ZNF536: variants seen among roughly 807,000 people sequenced by gnomAD.
ZNF536 encodes the protein zinc finger protein 536.
A neutral mutation model predicts 84.5 loss-of-function variants in ZNF536; 13 were observed. That is an observed-to-expected ratio of 0.15 (90% CI 0.10 to 0.24). The LOEUF (loss-of-function observed/expected upper bound fraction) is 0.24. ZNF536 is among the 10% of genes least tolerant of loss of function. The probability of loss-of-function intolerance (pLI) is 1.00; values close to 1 mark genes in which losing one functional copy is unlikely to be tolerated. For missense variants in ZNF536, 1,536 were observed against 1,747.5 expected, an observed-to-expected ratio of 0.88 and a Z score of 2.16; for synonymous variants, 811 against 742.5, an observed-to-expected ratio of 1.09 and a Z score of -1.50.
At chr19:30,438,001 C>T (rs149476523) in intron 1 of ZNF536, among the ~76,000 whole-genome samples, 1,734 of 152,212 alleles carry the variant, frequency 0.011, 12 homozygotes, top group Non-Finnish European at 0.016. Context: ...TGAGCTGGTT[C>T]GATGAGTTCT....
intron 2 of ZNF536, among the ~76,000 whole-genome samples, chr19:30,498,641 CA>C (rs2054820144): frequency 6.6e-6 from 1 of 152,026 alleles, no homozygotes; most frequent in Non-Finnish European, 1.5e-5. Context: ...ATAGAAACGT[CA>C]AAAAATAGAA....
At chr19:30,600,684 G>A (rs1056951961) in intron 1 of ZNF536, among the ~76,000 whole-genome samples, 3 of 152,220 alleles carry the variant, frequency 2.0e-5, no homozygotes, top group Non-Finnish European at 4.4e-5. Context: ...CCCCTGGTGA[G>A]CTGAGGCAGT....
chr19:30,700,404 CT>C (rs2051890227), intron 1 of ZNF536, among the ~76,000 whole-genome samples: 1 of 142,372 alleles, frequency 7.0e-6, no homozygotes, highest in Non-Finnish European at 1.5e-5. Flanking sequence ...TCTTCCTTCT[CT>C]TTTTCAGAGT....
chr19:30,396,427 T>C (rs1487669901), intron 1 of ZNF536, among the ~76,000 whole-genome samples: 1 of 152,212 alleles, frequency 6.6e-6, no homozygotes, highest in Admixed American at 6.5e-5. Context: ...TGGCAATTTC[T>C]TTAGATTTGT....
chr19:30,369,471 G>A (rs1305529512), upstream of ZNF536, among the ~76,000 whole-genome samples: 31 of 152,220 alleles, frequency 2.0e-4, no homozygotes, highest in Non-Finnish European at 1.5e-5. Flanking sequence ...TCACACTGAA[G>A]CTGTGTCAAT....
intron 1 of ZNF536, among the ~76,000 whole-genome samples, chr19:30,693,939 C>T (rs1323664878): frequency 6.6e-6 from 1 of 152,168 alleles, no homozygotes; most frequent in Non-Finnish European, 1.5e-5. Flanking sequence ...AATGTGACTG[C>T]TCCCGCGACA....
chr19:30,450,302 C>T (rs1250467998), intron 2 of ZNF536, among the ~76,000 whole-genome samples: 1 of 151,950 alleles, frequency 6.6e-6, no homozygotes, highest in East Asian at 1.9e-4. Context: ...CTCGGGGAGG[C>T]TGCAGCAACA....
chr19:30,698,818 T>C (rs917389633), intron 1 of ZNF536, among the ~76,000 whole-genome samples: 2 of 152,218 alleles, frequency 1.3e-5, no homozygotes, highest in Non-Finnish European at 2.9e-5. Flanking sequence ...AGGAAGTCAC[T>C]TGGCACAGTC....
intron 1 of ZNF536, among the ~76,000 whole-genome samples, chr19:30,390,545 A>G (rs1187286427): frequency 6.6e-6 from 1 of 152,220 alleles, no homozygotes; most frequent in East Asian, 1.9e-4. Flanking sequence ...GGCCATGCCA[A>G]TCTTCCTAGC....
intron 1 of ZNF536, among the ~76,000 whole-genome samples, chr19:30,432,011 A>T (rs1440685993): frequency 6.9e-6 from 1 of 145,260 alleles, no homozygotes; most frequent in South Asian, 2.2e-4. Context: ...ATATATACAC[A>T]CACACATACA....
chr19:30,609,557 A>G (rs1318695522), intron 1 of ZNF536, among the ~76,000 whole-genome samples: 1 of 152,234 alleles, frequency 6.6e-6, no homozygotes, highest in Non-Finnish European at 1.5e-5. Flanking sequence ...GATGTGGTAA[A>G]GAAAAGTGTT....
chr19:30,351,908 T>A (rs1600342063), intron 2 of ZNF536, among the ~76,000 whole-genome samples: 1 of 152,142 alleles, frequency 6.6e-6, no homozygotes, highest in South Asian at 2.1e-4. Flanking sequence ...GGGGAAAACA[T>A]GGGGGAGAAG....
downstream of ZNF536, among the ~76,000 whole-genome samples, chr19:30,560,100 G>A (rs573503089): frequency 8.6e-5 from 13 of 152,042 alleles, no homozygotes; most frequent in East Asian, 9.8e-4. Flanking sequence ...CAACAGTTGC[G>A]TGTTCTTGGG....
At chr19:30,330,015 A>G (rs2047158358) in intron 2 of ZNF536, among the ~76,000 whole-genome samples, 1 of 152,204 alleles carries the variant, frequency 6.6e-6, no homozygotes, top group Non-Finnish European at 1.5e-5. Flanking sequence ...GAGATGCTGT[A>G]TTTGAAAGCA....
intron 1 of ZNF536, among the ~76,000 whole-genome samples, chr19:30,595,323 T>C (rs1315747056): frequency 1.3e-5 from 2 of 152,158 alleles, no homozygotes; most frequent in Non-Finnish European, 2.9e-5. Context: ...AGTCTCTCTC[T>C]CTTGCCCAGA....
At chr19:30,254,207 T>G (rs2024783455) in intron 1 of ZNF536, among the ~76,000 whole-genome samples, 1 of 152,190 alleles carries the variant, frequency 6.6e-6, no homozygotes, top group South Asian at 2.1e-4. Context: ...TGCCATTGTC[T>G]CCTGGGTAAA....
intron 2 of ZNF536, among the ~76,000 whole-genome samples, chr19:30,328,954 C>T (rs995140785): frequency 1.3e-5 from 2 of 152,178 alleles, no homozygotes; most frequent in African/African-American, 4.8e-5. Context: ...TAGAATTTTG[C>T]GGCATCATCA....
chr19:30,436,289 C>A (rs920051185), intron 1 of ZNF536, among the ~76,000 whole-genome samples: 3 of 152,202 alleles, frequency 2.0e-5, no homozygotes, highest in Non-Finnish European at 4.4e-5. Context: ...TTAACTATTT[C>A]TGGCCCCATC....
chr19:30,634,112 A>C (rs184330802), intron 1 of ZNF536, among the ~76,000 whole-genome samples: 1 of 151,810 alleles, frequency 6.6e-6, no homozygotes, highest in Non-Finnish European at 1.5e-5. Flanking sequence ...CTAGCTGGGC[A>C]GACCATCCCT....
Sources: gnomAD v4.1 joint callset for allele counts (sites outside exome capture counted in the v4.1 genomes callset) on GRCh38, gnomAD v4.1.1 for gene constraint, MANE v1.5 for transcripts, NCBI Gene and HGNC (gene_info 2026-07-23, HGNC 2026-07-21) for gene names.